The following BUD13 variants were observed in gnomAD, a reference collection of about 807,000 sequenced individuals.
BUD13 encodes BUD13 homolog.
BUD13 carries 47 observed loss-of-function variants against 62.5 expected under a neutral mutation model. The observed-to-expected ratio is 0.75, with a 90% CI of 0.60 to 0.96. The LOEUF is 0.96. BUD13 is among the 40% of genes least tolerant of loss of function. The probability of loss-of-function intolerance (pLI) is 0.00; values close to 1 mark genes in which losing one functional copy is unlikely to be tolerated. For synonymous variants in BUD13, 293 were observed against 280.1 expected, an observed-to-expected ratio of 1.05 and a Z score of -0.46; for missense variants, 821 against 790.9, an observed-to-expected ratio of 1.04 and a Z score of -0.46.
intron 9 of BUD13, 143 bp downstream of exon 9, chr11:116,757,003 T>C: frequency 1.4e-6 from 1 of 700,344 alleles, no homozygotes; most frequent in South Asian, 1.9e-5. Context: ...ATAGGATTTG[T>C]GGACCTCAGA....
At chr11:116,755,773 C>T (rs1293721048) in intron 9 of BUD13, among the ~76,000 whole-genome samples, 1 of 151,926 alleles carries the variant, frequency 6.6e-6, no homozygotes, top group Non-Finnish European at 1.5e-5. Flanking sequence ...TTTAAATATA[C>T]AGTAATTATG....
rs780421872 is a variant in BUD13, at chr11:116,760,777, A to T, written c.1212T>A (p.Ser404=). 6.2e-7 allele frequency: 1 copy of T among 1,614,210 alleles called. No homozygotes were observed. Among genetic ancestry groups the T allele is most frequent in the South Asian group, 1.1e-5 (1 of 91,084 alleles). ...RRRQRTKSSD[S]DLSPPRRSQP... The stretch of plus-strand genomic sequence containing the variant: ...GACTCCTTCGAGGCGGGGACAGGTC[A>T]GAATCAGAAGATTTGGTCCTCTGTC... Residue 404 remains serine, a synonymous_variant, in exon 5 of 10, where the codon TCT becomes TCA. Coordinates refer to ENST00000260210, the MANE Select transcript of BUD13 (RefSeq NM_032725.4).
At chr11:116,765,689 T>A (rs577707443) in intron 2 of BUD13, among the ~76,000 whole-genome samples, 1 of 152,338 alleles carries the variant, frequency 6.6e-6, no homozygotes, top group South Asian at 2.1e-4. Flanking sequence ...CAAAGGTTAA[T>A]TTTTTTCATT....
At position 116,763,261 on chromosome 11, in the gene BUD13, T is replaced by C. The variant is rs145445291; in HGVS notation, c.328A>G (p.Asn110Asp). ...TGTCTGTTTGAGGGTAGGTCTTCGTTGTGGCCTAAACACAAATAACAAAGA... is the reference window on the plus strand; with the variant it reads ...TGTCTGTTTGAGGGTAGGTCTTCGTCGTGGCCTAAACACAAATAACAAAGA... Reference protein sequence around the residue: ...SAKWKLLGGHNEDLPSNRHFR... With the variant: ...SAKWKLLGGHDEDLPSNRHFR... The change falls in exon 4 of 10, where the codon AAC becomes GAC. Residue 110 changes from asparagine (N) to aspartate (D), a missense_variant. Physicochemically the swap from Asn to Asp is conservative, Grantham distance 23. Transcript: ENST00000260210. 220 of 1,533,192 alleles carry C rather than the reference T, an allele frequency of 1.4e-4. No individual in the cohort carries two copies. Among genetic ancestry groups the C allele is most frequent in the Non-Finnish European group, 1.9e-4 (213 of 1,140,664 alleles). 95.0% of individuals were successfully genotyped at this position (1,533,192 alleles called of 1,614,324 possible). A position where few individuals can be genotyped will look rare whatever the true frequency, so the allele number is the denominator to read the frequency against.
intron 3 of BUD13, among the ~76,000 whole-genome samples, chr11:116,765,140 G>C (rs1340733236): frequency 6.6e-6 from 1 of 152,172 alleles, no homozygotes. Context: ...ACCAACCTCA[G>C]TAATCCTAAT....
chr11:116,766,728 C>T (rs1445987496), intron 2 of BUD13, among the ~76,000 whole-genome samples: 2 of 152,194 alleles, frequency 1.3e-5, no homozygotes, highest in Non-Finnish European at 2.9e-5. Flanking sequence ...CCACTGCTAT[C>T]GTAATCATCA....
In BUD13 at chr11:116,762,440, T is replaced by C. The variant is rs540913875; in HGVS notation, c.1036+113A>G. The C allele has an allele frequency of 9.4e-6, 9 of 955,370 alleles. No homozygotes were observed. The Admixed American group carries it at 2.3e-4, about 24-fold the overall frequency. 59.2% of individuals were successfully genotyped at this position (955,370 alleles called of 1,614,324 possible). A position where few individuals can be genotyped will look rare whatever the true frequency, so the allele number is the denominator to read the frequency against. On this transcript the variant is annotated intron_variant, in intron 4 of 9. Transcript: ENST00000260210. ...ACTCTCCCAAACCCAGCCTCTCACT[T>C]TTCAAAACTTTCCCAAAGAAATTCC... is the stretch of plus-strand genomic sequence containing the variant.
chr11:116,757,052 T>G (rs1940338751), intron 9 of BUD13, 94 bp downstream of exon 9: 1 of 1,226,550 alleles, frequency 8.2e-7, no homozygotes, highest in Non-Finnish European at 1.2e-6. Flanking sequence ...CACCTTGTGA[T>G]TAAAGCAGAG....
At chr11:116,767,692 T>G (rs547937222) in intron 2 of BUD13, among the ~76,000 whole-genome samples, 1 of 151,526 alleles carries the variant, frequency 6.6e-6, no homozygotes, top group African/African-American at 2.4e-5. Context: ...CCTTCAATAT[T>G]GGTGGGGCAT....
At chr11:116,765,949 G>C (rs1940523825) in intron 2 of BUD13, among the ~76,000 whole-genome samples, 1 of 152,142 alleles carries the variant, frequency 6.6e-6, no homozygotes, top group Admixed American at 6.5e-5. Context: ...ATCTTTAAGA[G>C]CTAAAACCAC....
Position 116,757,194 on chromosome 11 carries a change from G to A in BUD13, c.1718C>T (p.Pro573Leu), listed in dbSNP as rs1286724590. 1.9e-6 allele frequency: 3 copies of A among 1,614,096 alleles called. No individual in the cohort carries two copies. The African/African-American group carries it at 4.0e-5, about 22-fold the overall frequency. ...TCCAGGCCAGATATTAAATCTGTTG[G>A]GAGGAGGTGCTGGACCACTGTAGCG... ...RPRYSGPAPP[P>L]NRFNIWPGYR... Residue 573 changes from proline (P) to leucine (L), a missense_variant, in exon 9 of 10, where the codon CCC becomes CTC. Physicochemically the swap from Pro to Leu is moderately conservative, Grantham distance 98. This residue lies in a region of BUD13 where 800 missense variants were observed against 739.2 expected (regional missense o/e 1.08). Transcript: ENST00000260210.
rs111344610 is a variant in BUD13 at position 116,755,800 on chromosome 11, A to AT, written c.1766+1345dup. Among the ~76,000 whole-genome samples the AT allele has an allele frequency of 9.2e-4, 140 of 151,438 alleles. 1 individual carries two copies. The highest frequency in any genetic ancestry group is 1.7e-3 in the African/African-American group (72 of 41,318). ...GTAATTATGTTAACATAATTAGTTT[A>AT]TTTTTTTTTGAATGAATAAATACTT... On this transcript the variant is annotated intron_variant, in intron 9 of 9. Coordinates refer to ENST00000260210, the MANE Select transcript of BUD13 (RefSeq NM_032725.4).
chr11:116,760,610 T>C (rs1940411278), intron 5 of BUD13, 125 bp downstream of exon 5: 1 of 1,116,322 alleles, frequency 9.0e-7, no homozygotes, highest in Non-Finnish European at 1.3e-6. Flanking sequence ...AAGGTCCTTT[T>C]AACTAAGATT....
At chr11:116,761,576 C>A (rs1940432646) in intron 4 of BUD13, among the ~76,000 whole-genome samples, 2 of 152,214 alleles carry the variant, frequency 1.3e-5, no homozygotes, top group Admixed American at 1.3e-4. Context: ...AATCTCCACA[C>A]ACTCCTCTAT....
intron 1 of BUD13, 113 bp from the exon 2 acceptor site, chr11:116,770,335 G>A: frequency 2.4e-6 from 2 of 826,448 alleles, no homozygotes; most frequent in South Asian, 3.9e-5. Context: ...GCATGGTCCA[G>A]TCTTTGTCTA....
At chr11:116,755,102 T>C (rs1313870954) in intron 9 of BUD13, among the ~76,000 whole-genome samples, 1 of 152,142 alleles carries the variant, frequency 6.6e-6, no homozygotes, top group Non-Finnish European at 1.5e-5. Flanking sequence ...CAATTACATA[T>C]CACAAATATT....
At chr11:116,753,542 C>A (rs1234889704) in intron 9 of BUD13, among the ~76,000 whole-genome samples, 2 of 152,146 alleles carry the variant, frequency 1.3e-5, no homozygotes, top group Admixed American at 6.6e-5. Context: ...CTCAAAGTCT[C>A]TACAGTGTAT....
intron 5 of BUD13, 104 bp downstream of exon 5, chr11:116,760,631 C>A: frequency 7.7e-7 from 1 of 1,303,708 alleles, no homozygotes; most frequent in Non-Finnish European, 1.1e-6. Flanking sequence ...TACTACACTT[C>A]TCAGAGCTAC....
At position 116,748,221 on chromosome 11, in the gene BUD13, C is replaced by A; in HGVS notation, c.*261G>T. ...TATTTAAAAAAGAAAAAGAAAAACC[C>A]TACCAAGAACAAACCCTGGTCAATG... On this transcript the variant is annotated 3_prime_UTR_variant, in exon 10 of 10. Coordinates refer to ENST00000260210, the MANE Select transcript of BUD13 (RefSeq NM_032725.4). The A allele has an allele frequency of 5.2e-6, 2 of 381,992 alleles. No individual in the cohort carries two copies. The highest frequency in any genetic ancestry group is 4.7e-6 in the Non-Finnish European group (1 of 213,442). 23.7% of individuals were successfully genotyped at this position (381,992 alleles called of 1,614,324 possible).
Sources: gnomAD v4.1 joint callset for allele counts (sites outside exome capture counted in the v4.1 genomes callset) on GRCh38, gnomAD v4.1.1 for gene constraint, gnomAD v4.1.1 regional missense constraint, MANE v1.5 for transcripts, NCBI Gene and HGNC (gene_info 2026-07-23, HGNC 2026-07-21) for gene names.